Variants in SLC25A43 observed in about 807,000 individuals in gnomAD.
The protein encoded by SLC25A43 is solute carrier family 25 member 43, also known as solute carrier family 25, member 43.
In SLC25A43, 10 loss-of-function variants were observed where a neutral mutation model predicts 22.8. That is an observed-to-expected ratio of 0.44 (90% CI 0.27 to 0.74). The LOEUF is 0.74. SLC25A43 is among the 30% of genes least tolerant of loss of function. The probability of loss-of-function intolerance (pLI) is 0.17; values close to 1 mark genes in which losing one functional copy is unlikely to be tolerated. For synonymous variants in SLC25A43, 106 were observed against 121.6 expected, an observed-to-expected ratio of 0.87 and a Z score of 0.84; for missense variants, 233 against 279.1, an observed-to-expected ratio of 0.83 and a Z score of 1.18.
intron 3 of SLC25A43, among the ~76,000 whole-genome samples, chrX:119,424,937 C>T (rs1242636053): frequency 2.7e-5 from 3 of 112,204 alleles, no homozygotes; most frequent in Non-Finnish European, 5.6e-5. Flanking sequence ...CTCCCAAAGG[C>T]CCTGCCTCCT....
chrX:119,452,614 C>T (rs1309376514), intron 4 of SLC25A43, among the ~76,000 whole-genome samples: 14 of 111,543 alleles, frequency 1.3e-4, no homozygotes, highest in Non-Finnish European at 1.7e-4. Context: ...AGATAGTCTG[C>T]GTGCATATGA....
At chrX:119,447,852 T>C (rs888037207) in intron 3 of SLC25A43, among the ~76,000 whole-genome samples, 6 of 110,909 alleles carry the variant, frequency 5.4e-5, no homozygotes, top group African/African-American at 2.0e-4. Context: ...TCATCTGGTC[T>C]CCTGGCTTTA....
intron 3 of SLC25A43, among the ~76,000 whole-genome samples, chrX:119,421,555 G>A (rs1291025377): frequency 8.9e-6 from 1 of 111,999 alleles, no homozygotes; most frequent in Non-Finnish European, 1.9e-5. Context: ...TGTTCATGAG[G>A]TTACCTCTGT....
At chrX:119,448,361 T>C (rs974622446) in intron 3 of SLC25A43, among the ~76,000 whole-genome samples, 2 of 111,500 alleles carry the variant, frequency 1.8e-5, no homozygotes, top group African/African-American at 6.5e-5. Context: ...ATAAATTAGG[T>C]CATGCCATTC....
chrX:119,449,237 A>T (rs369917229), intron 3 of SLC25A43, among the ~76,000 whole-genome samples: 1 of 108,764 alleles, frequency 9.2e-6, no homozygotes, highest in South Asian at 4.1e-4. Flanking sequence ...AACACAGGGA[A>T]ACCCCATCTC....
intron 3 of SLC25A43, among the ~76,000 whole-genome samples, chrX:119,411,981 T>C (rs1341510766): frequency 8.9e-6 from 1 of 111,944 alleles, no homozygotes; most frequent in East Asian, 2.8e-4. Flanking sequence ...AAGAACTCTA[T>C]AGAAATTAAT....
intron 1 of SLC25A43, among the ~76,000 whole-genome samples, chrX:119,405,622 TAGCC>T (rs1362831463): frequency 4.3e-5 from 2 of 46,200 alleles, no homozygotes; most frequent in African/African-American, 1.6e-4. Flanking sequence ...AAAAAAAAAA[TAGCC>T]AGGCATGGTG....
intron 3 of SLC25A43, among the ~76,000 whole-genome samples, chrX:119,444,504 G>A (rs1373853827): frequency 9.3e-6 from 1 of 107,989 alleles, no homozygotes; most frequent in Non-Finnish European, 1.9e-5. Flanking sequence ...GAGAGATCGA[G>A]ATCACCCTGA....
At chrX:119,429,606 G>A (rs2052536710) in intron 3 of SLC25A43, among the ~76,000 whole-genome samples, 2 of 112,016 alleles carry the variant, frequency 1.8e-5, no homozygotes, top group Admixed American at 1.9e-4. Context: ...CACAACAAAT[G>A]TGGTTGCTGC....
intron 3 of SLC25A43, among the ~76,000 whole-genome samples, chrX:119,448,740 C>G (rs1220331954): frequency 8.9e-6 from 1 of 112,102 alleles, no homozygotes; most frequent in Non-Finnish European, 1.9e-5. Context: ...CTCACCTCCT[C>G]TTAGTATTTG....
intron 3 of SLC25A43, among the ~76,000 whole-genome samples, chrX:119,426,728 C>G (rs1341595328): frequency 9.3e-6 from 1 of 108,098 alleles, no homozygotes; most frequent in African/African-American, 3.4e-5. Flanking sequence ...TAGGCTGAGG[C>G]ATGATAATCA....
In SLC25A43 at chrX:119,453,319, G is replaced by A. The variant is rs1044381932; in HGVS notation, c.*254G>A. 1 of 355,177 alleles carries A rather than the reference G, an allele frequency of 2.8e-6. No homozygotes were observed. The highest frequency in any genetic ancestry group is 4.9e-5 in the Admixed American group (1 of 20,250). 29.3% of individuals were successfully genotyped at this position (355,177 alleles called of 1,213,427 possible). A position where few individuals can be genotyped will look rare whatever the true frequency, so the allele number is the denominator to read the frequency against. ...GAGATTTTATAACCAGAGTCTAGCA[G>A]TGATAAAATGTACAATTTACGCTCT... is the stretch of plus-strand genomic sequence containing the variant. On this transcript the variant is annotated 3_prime_UTR_variant, in exon 5 of 5. Coordinates refer to ENST00000217909, the MANE Select transcript of SLC25A43 (RefSeq NM_145305.3).
intron 3 of SLC25A43, among the ~76,000 whole-genome samples, chrX:119,433,237 A>G (rs1488009712): frequency 8.9e-6 from 1 of 112,260 alleles, no homozygotes; most frequent in African/African-American, 3.2e-5. Context: ...TTGATGTCGC[A>G]GTTTAAATCT....
chrX:119,446,146 C>A, intron 3 of SLC25A43, among the ~76,000 whole-genome samples: 1 of 56,274 alleles, frequency 1.8e-5, no homozygotes. Flanking sequence ...AGTGGGACTC[C>A]ATCTCAAAAA....
chrX:119,412,070 G>C (rs1202468484), intron 3 of SLC25A43, among the ~76,000 whole-genome samples: 1 of 110,625 alleles, frequency 9.0e-6, no homozygotes, highest in African/African-American at 3.3e-5. Context: ...ACTTGTCCTC[G>C]CTTGCTCAAT....
intron 3 of SLC25A43, among the ~76,000 whole-genome samples, chrX:119,431,385 C>T (rs959938725): frequency 1.8e-5 from 2 of 110,206 alleles, no homozygotes; most frequent in African/African-American, 6.6e-5. Flanking sequence ...TGGTGGCAGT[C>T]ACCTGTAATC....
intron 3 of SLC25A43, among the ~76,000 whole-genome samples, chrX:119,424,079 G>A (rs2052481572): frequency 9.1e-6 from 1 of 109,435 alleles, no homozygotes; most frequent in Admixed American, 9.8e-5. Flanking sequence ...CGGGCGTGGT[G>A]GTGGGCGCCT....
At chrX:119,401,150 G>T (rs1329320765) in intron 1 of SLC25A43, among the ~76,000 whole-genome samples, 2 of 111,443 alleles carry the variant, frequency 1.8e-5, no homozygotes, top group African/African-American at 3.3e-5. Flanking sequence ...GCAGAATTGG[G>T]CTCAGAGTGA....
chrX:119,432,227 A>G (rs1457683735), intron 3 of SLC25A43, among the ~76,000 whole-genome samples: 1 of 112,040 alleles, frequency 8.9e-6, no homozygotes, highest in Non-Finnish European at 1.9e-5. Context: ...AACTGAACTC[A>G]ATATGTGATG....
Sources: gnomAD v4.1 joint callset for allele counts (sites outside exome capture counted in the v4.1 genomes callset) on GRCh38, gnomAD v4.1.1 for gene constraint, MANE v1.5 for transcripts, NCBI Gene and HGNC (gene_info 2026-07-23, HGNC 2026-07-21) for gene names.